Variants in IPMK observed in about 807,000 individuals in gnomAD.
The protein encoded by IPMK is inositol 1,3,4,6-tetrakisphosphate 5-kinase.
In IPMK, 17 loss-of-function variants were observed where a neutral mutation model predicts 45.8. The observed-to-expected ratio is 0.37, with a 90% CI of 0.25 to 0.56. The LOEUF is 0.56. Ranked by LOEUF, IPMK falls within the 20% of genes least tolerant of loss-of-function variation. The pLI, the probability that IPMK is intolerant of heterozygous loss-of-function variation, is 0.79. For synonymous variants in IPMK, 180 were observed against 184.3 expected (o/e 0.98, Z 0.19); for missense variants, 399 against 498.0 (o/e 0.80, Z 1.89).
In IPMK at chr10:58,195,435, C is replaced by T. The variant is rs1309952612; in HGVS notation, c.*641G>A. On this transcript the variant is annotated 3_prime_UTR_variant, in exon 6 of 6. Transcript: ENST00000373935. ...TTCAAGACTTTGTTGTTGTCATCCACATCAATTGTCTTTTTCATGAAGTAT... is the reference window on the plus strand; with the variant it reads ...TTCAAGACTTTGTTGTTGTCATCCATATCAATTGTCTTTTTCATGAAGTAT... 6.6e-6 allele frequency: 1 copy of T among 152,086 alleles called. No homozygotes were observed. The highest frequency in any genetic ancestry group is 1.5e-5 in the Non-Finnish European group (1 of 67,968). 9.4% of individuals were successfully genotyped at this position (152,086 alleles called of 1,614,324 possible). A position where few individuals can be genotyped will look rare whatever the true frequency, so the allele number is the denominator to read the frequency against.
At chr10:58,239,466 T>C (rs1201245730) in intron 1 of IPMK, among the ~76,000 whole-genome samples, 1 of 152,164 alleles carries the variant, frequency 6.6e-6, no homozygotes, top group African/African-American at 2.4e-5. Context: ...TTCCCTGCCT[T>C]GGGGCAAACA....
At chr10:58,220,189 G>T (rs540242173) in intron 3 of IPMK, among the ~76,000 whole-genome samples, 2 of 152,174 alleles carry the variant, frequency 1.3e-5, no homozygotes, top group Non-Finnish European at 2.9e-5. Flanking sequence ...CCTTGGTAGG[G>T]AGGGGAGAGG....
In IPMK at chr10:58,194,060, A is replaced by G. The variant is rs1331476728; in HGVS notation, c.*2016T>C. 4 of 151,890 alleles carry G rather than the reference A, an allele frequency of 2.6e-5. No homozygotes were observed. Among genetic ancestry groups the G allele is most frequent in the African/African-American group, 9.7e-5 (4 of 41,438 alleles). 9.4% of individuals were successfully genotyped at this position (151,890 alleles called of 1,614,324 possible). A position where few individuals can be genotyped will look rare whatever the true frequency, so the allele number is the denominator to read the frequency against. ...ATCAAAAAGGTAAGACATTGATTTTACAAAATTGTATTTCCAAATGCAGAT... is the reference window on the plus strand; with the variant it reads ...ATCAAAAAGGTAAGACATTGATTTTGCAAAATTGTATTTCCAAATGCAGAT... On this transcript the variant is annotated 3_prime_UTR_variant, in exon 6 of 6. Transcript: ENST00000373935.
At chr10:58,243,640 G>C (rs745417906) in intron 1 of IPMK, among the ~76,000 whole-genome samples, 1 of 152,242 alleles carries the variant, frequency 6.6e-6, no homozygotes. Flanking sequence ...GAGGTGCTGG[G>C]ATTGCAGACG....
intron 1 of IPMK, 32 bp from the exon 2 acceptor site, chr10:58,237,846 C>T (rs1410608666): frequency 5.5e-6 from 8 of 1,465,424 alleles, no homozygotes; most frequent in South Asian, 1.1e-5. Context: ...TTGTTTAATG[C>T]TTTAATAATA....
At chr10:58,224,501 G>A (rs745534485) in intron 3 of IPMK, among the ~76,000 whole-genome samples, 10 of 152,012 alleles carry the variant, frequency 6.6e-5, no homozygotes, top group East Asian at 1.9e-4. Flanking sequence ...ATAATTCTGC[G>A]AATATACTAG....
intron 4 of IPMK, among the ~76,000 whole-genome samples, chr10:58,200,188 A>G (rs1028206007): frequency 2.0e-5 from 3 of 152,050 alleles, no homozygotes; most frequent in African/African-American, 7.2e-5. Flanking sequence ...GCGTGATCTC[A>G]GCTCACTGCA....
At chr10:58,211,279 C>T (rs1483259005) in intron 4 of IPMK, among the ~76,000 whole-genome samples, 1 of 151,788 alleles carries the variant, frequency 6.6e-6, no homozygotes, top group African/African-American at 2.4e-5. Flanking sequence ...GCAACCTCCA[C>T]TTCCTGGGTT....
rs1488393110 is a variant in IPMK, at chr10:58,192,275, T to C, written c.*3801A>G. The C allele has an allele frequency of 6.6e-6, 1 of 151,986 alleles. No individual in the cohort carries two copies. The highest frequency in any genetic ancestry group is 1.5e-5 in the Non-Finnish European group (1 of 67,898). The allele number at this position is 151,986 out of a possible 1,614,324, so 9.4% of individuals were successfully genotyped here. ...GAGGCCTAAAACTGTTGTACTAAAT[T>C]GTAAAATACAGTAAAGAAGATGCAG... On this transcript the variant is annotated 3_prime_UTR_variant, in exon 6 of 6. Transcript: ENST00000373935.
chr10:58,211,746 TAAAA>T (rs143924439), intron 4 of IPMK, among the ~76,000 whole-genome samples: 2 of 130,078 alleles, frequency 1.5e-5, no homozygotes, highest in Admixed American at 1.6e-4. Flanking sequence ...TCATCTGTAC[TAAAA>T]AAAAAAAAAA....
intron 3 of IPMK, among the ~76,000 whole-genome samples, chr10:58,222,687 T>C (rs1838355299): frequency 6.6e-6 from 1 of 152,202 alleles, no homozygotes; most frequent in African/African-American, 2.4e-5. Context: ...AGAAAGTATA[T>C]AAAGAATTTC....
chr10:58,224,151 G>A (rs1478472610), intron 3 of IPMK, among the ~76,000 whole-genome samples: 1 of 152,172 alleles, frequency 6.6e-6, no homozygotes, highest in Admixed American at 6.5e-5. Context: ...GAAGAGGTAT[G>A]CAACAGACAT....
At chr10:58,249,012 C>G (rs1245007524) in intron 1 of IPMK, among the ~76,000 whole-genome samples, 2 of 152,312 alleles carry the variant, frequency 1.3e-5, no homozygotes, top group Non-Finnish European at 1.5e-5. Context: ...ACAGATATCT[C>G]TTCAACATAC....
chr10:58,258,309 A>AAAAC (rs60943719), intron 1 of IPMK, among the ~76,000 whole-genome samples: 51,007 of 151,564 alleles, frequency 0.34, 10,773 homozygotes, highest in African/African-American at 0.6. Context: ...ATTCCATCTC[A>AAAAC]AAACAAACAA....
chr10:58,217,506 T>TG (rs34118594), intron 3 of IPMK, among the ~76,000 whole-genome samples: 2 of 151,354 alleles, frequency 1.3e-5, no homozygotes, highest in Admixed American at 6.6e-5. Context: ...CTGACCAACA[T>TG]GGAGAAACCC....
At chr10:58,216,389 C>A in intron 3 of IPMK, 72 bp from the exon 4 acceptor site, 3 of 642,146 alleles carry the variant, frequency 4.7e-6, no homozygotes, top group South Asian at 4.1e-5. Context: ...CAGGGAAAAA[C>A]AAGATGAGAA....
intron 1 of IPMK, among the ~76,000 whole-genome samples, chr10:58,264,481 C>T (rs1839119460): frequency 6.6e-6 from 1 of 152,086 alleles, no homozygotes; most frequent in Non-Finnish European, 1.5e-5. Flanking sequence ...TATCAGATTT[C>T]CATCATTTGT....
intron 4 of IPMK, among the ~76,000 whole-genome samples, chr10:58,207,025 G>A (rs895229802): frequency 5.9e-5 from 9 of 151,802 alleles, no homozygotes; most frequent in South Asian, 2.1e-4. Flanking sequence ...GTTTTGAGAC[G>A]GAGTCTTGCT....
intron 1 of IPMK, among the ~76,000 whole-genome samples, chr10:58,263,632 C>G (rs1839107022): frequency 6.6e-6 from 1 of 152,134 alleles, no homozygotes; most frequent in Non-Finnish European, 1.5e-5. Context: ...CTGCAGTGAA[C>G]TACATCACGC....
Sources: allele counts gnomAD v4.1 joint callset (sites outside exome capture counted in the v4.1 genomes callset), GRCh38; gene constraint gnomAD v4.1.1; transcripts MANE v1.5; gene names NCBI Gene and HGNC (gene_info 2026-07-23, HGNC 2026-07-21).